Variants in TENM3 observed in about 807,000 individuals in gnomAD.
The protein encoded by TENM3 is teneurin-3.
A neutral mutation model predicts 255.1 loss-of-function variants in TENM3; 63 were observed. The observed-to-expected ratio is 0.25, with a 90% CI of 0.20 to 0.30. The LOEUF is 0.30. Ranked by LOEUF, TENM3 falls within the 10% of genes least tolerant of loss-of-function variation. TENM3 has a pLI of 1.00. For missense variants in TENM3, 2,929 were observed against 3,461.1 expected, an observed-to-expected ratio of 0.85 and a Z score of 3.86; for synonymous variants, 1,306 against 1,322.3, an observed-to-expected ratio of 0.99 and a Z score of 0.27.
chr4:182,100,822 C>CACACATAT, the TENM3 span, among the ~76,000 whole-genome samples: 2 of 10,510 alleles, frequency 1.9e-4, 1 homozygote, highest in Non-Finnish European at 3.3e-4. Flanking sequence ...TATATATACA[C>CACACATAT]ATATATATAT....
Position 182,324,380 on chromosome 4 carries a change from G to A in TENM3, c.232+128G>A. On this transcript the variant is annotated intron_variant, in intron 2 of 27. Transcript: ENST00000511685. The stretch of plus-strand genomic sequence containing the variant: ...TTCCATCTGCTGATTCTGATTTTGA[G>A]ATATTAGATCATCATGCAGTATTCC... The A allele has an allele frequency of 4.2e-6, 3 of 718,322 alleles. No individual in the cohort carries two copies. The South Asian group carries it at 5.1e-5, about 12-fold the overall frequency. 44.5% of individuals were successfully genotyped at this position (718,322 alleles called of 1,614,324 possible).
chr4:181,645,633 A>G, the TENM3 span, among the ~76,000 whole-genome samples: 657 of 152,332 alleles, frequency 4.3e-3, 4 homozygotes, highest in African/African-American at 0.015. Context: ...CCACACTGCA[A>G]TAAATCATCA....
At chr4:182,072,763 T>G in the TENM3 span, among the ~76,000 whole-genome samples, 3 of 152,124 alleles carry the variant, frequency 2.0e-5, no homozygotes, top group Admixed American at 6.5e-5. Context: ...ATGAAAGACT[T>G]TTTGTGTGTC....
At chr4:181,521,025 C>G in the TENM3 span, among the ~76,000 whole-genome samples, 1 of 152,082 alleles carries the variant, frequency 6.6e-6, no homozygotes, top group African/African-American at 2.4e-5. Context: ...GTGTAGGTCT[C>G]CCCAGAGCTC....
chr4:182,695,330 G>A (rs1757317433), intron 12 of TENM3, among the ~76,000 whole-genome samples: 1 of 152,120 alleles, frequency 6.6e-6, no homozygotes, highest in South Asian at 2.1e-4. Context: ...GATCCCACAA[G>A]GGAACACCCA....
In TENM3 at chr4:182,799,693, G is replaced by C; in HGVS notation, c.7442G>C (p.Gly2481Ala). 7 of 1,549,422 alleles carry C rather than the reference G, an allele frequency of 4.5e-6. No individual in the cohort carries two copies. The highest frequency in any genetic ancestry group is 6.1e-6 in the Non-Finnish European group (7 of 1,146,570). The change falls in exon 28 of 28, where the codon GGC becomes GCC. Residue 2481 changes from glycine (G) to alanine (A), a missense_variant. By Grantham distance (60) the Gly-to-Ala change is moderately conservative. This residue lies in a region of TENM3 where 476 missense variants were observed against 480.1 expected (regional missense o/e 0.99). Coordinates refer to ENST00000511685, the MANE Select transcript of TENM3 (RefSeq NM_001080477.4). The surrounding 1 kb of genome is among the most constrained non-coding windows in gnomAD (Gnocchi z 4.2). ...GTGCAGGTGAGCCGGCGCCGGGCCGGCGGCGCGCAGTCCTGGCTGTGGTTC... is the reference window on the plus strand; with the variant it reads ...GTGCAGGTGAGCCGGCGCCGGGCCGCCGGCGCGCAGTCCTGGCTGTGGTTC... ...AEVQVSRRRA[G>A]GAQSWLWFAT...
chr4:181,498,449 C>G, the TENM3 span, among the ~76,000 whole-genome samples: 1 of 147,854 alleles, frequency 6.8e-6, no homozygotes, highest in Non-Finnish European at 1.5e-5. Flanking sequence ...TTTACACACT[C>G]CCTGCTCCCA....
At chr4:182,131,068 A>G in the TENM3 span, among the ~76,000 whole-genome samples, 2 of 152,166 alleles carry the variant, frequency 1.3e-5, no homozygotes, top group African/African-American at 2.4e-5. Flanking sequence ...AGTCATCTGC[A>G]CAAGTGAATC....
the TENM3 span, among the ~76,000 whole-genome samples, chr4:181,752,189 G>A: frequency 6.6e-6 from 1 of 152,170 alleles, no homozygotes; most frequent in African/African-American, 2.4e-5. Flanking sequence ...TCTGTAGAAA[G>A]GAAATGAGAC....
the TENM3 span, among the ~76,000 whole-genome samples, chr4:181,503,166 A>G: frequency 3.3e-5 from 5 of 152,078 alleles, no homozygotes; most frequent in African/African-American, 1.2e-4. Flanking sequence ...GGAGTTTGAG[A>G]CCAGTCTGGG....
the TENM3 span, among the ~76,000 whole-genome samples, chr4:181,800,500 G>T: frequency 1.3e-5 from 2 of 152,146 alleles, no homozygotes; most frequent in African/African-American, 4.8e-5. Flanking sequence ...GGGCATGGTG[G>T]CAGACACGTG....
chr4:181,853,553 G>T, the TENM3 span, among the ~76,000 whole-genome samples: 3 of 152,080 alleles, frequency 2.0e-5, no homozygotes, highest in Admixed American at 2.0e-4. Flanking sequence ...TTTCCCTTTT[G>T]GTGAAGAGAT....
At chr4:181,540,528 G>A in the TENM3 span, among the ~76,000 whole-genome samples, 39 of 152,188 alleles carry the variant, frequency 2.6e-4, no homozygotes, top group East Asian at 7.8e-4. Flanking sequence ...CAAACACAGC[G>A]TCCAGCAGGC....
intron 1 of TENM3, among the ~76,000 whole-genome samples, chr4:182,219,627 T>G (rs768781888): frequency 1.2e-4 from 19 of 152,222 alleles, no homozygotes; most frequent in Admixed American, 1.2e-3. Context: ...ATCGCGCCAC[T>G]GCACTCCAGC....
the TENM3 span, among the ~76,000 whole-genome samples, chr4:181,615,671 T>C: frequency 5.3e-5 from 8 of 152,196 alleles, no homozygotes; most frequent in African/African-American, 1.9e-4. Context: ...TACTAATGCT[T>C]AGAGAGAATT....
intron 3 of TENM3, among the ~76,000 whole-genome samples, chr4:182,474,191 A>G (rs1733437595): frequency 6.6e-6 from 1 of 152,104 alleles, no homozygotes; most frequent in South Asian, 2.1e-4. Flanking sequence ...AGGCTTACCT[A>G]CCCCTTAGAA....
At chr4:181,709,198 A>G in the TENM3 span, among the ~76,000 whole-genome samples, 2 of 152,348 alleles carry the variant, frequency 1.3e-5, no homozygotes, top group East Asian at 3.9e-4. Context: ...TTCCTTATTC[A>G]TCAAGTATTT....
intron 3 of TENM3, among the ~76,000 whole-genome samples, chr4:182,398,075 A>C (rs1179820880): frequency 6.6e-6 from 1 of 152,116 alleles, no homozygotes; most frequent in Non-Finnish European, 1.5e-5. Context: ...TCAAAATAGA[A>C]ATTCAAATAA....
chr4:181,926,887 C>T, the TENM3 span, among the ~76,000 whole-genome samples: 265 of 151,914 alleles, frequency 1.7e-3, 2 homozygotes, highest in African/African-American at 5.9e-3. Flanking sequence ...TGGGGCATCA[C>T]CTCACCCAGG....
Sources: allele counts gnomAD v4.1 joint callset (sites outside exome capture counted in the v4.1 genomes callset), GRCh38; gene constraint gnomAD v4.1.1; regional missense constraint gnomAD v4.1.1; non-coding constraint Gnocchi (gnomAD v3.1); transcripts MANE v1.5; gene names NCBI Gene and HGNC (gene_info 2026-07-23, HGNC 2026-07-21).